MYO1F: variants seen among roughly 807,000 people sequenced by gnomAD.
MYO1F encodes unconventional myosin-If.
A neutral mutation model predicts 146.6 loss-of-function variants in MYO1F; 60 were observed. The observed-to-expected ratio is 0.41, with a 90% CI of 0.33 to 0.51. The LOEUF is 0.51. MYO1F is among the 20% of genes least tolerant of loss of function. The probability of loss-of-function intolerance (pLI) is 0.25; values close to 1 mark genes in which losing one functional copy is unlikely to be tolerated. For missense variants in MYO1F, 1,274 were observed against 1,534.3 expected (o/e 0.83, Z 2.83); for synonymous variants, 602 against 602.1 (o/e 1.00, Z 0.00).
Position 8,550,341 on chromosome 19 carries a change from G to A in MYO1F, c.920C>T (p.Ala307Val), listed in dbSNP as rs1194330833. Residue 307 changes from alanine (A) to valine (V), a missense_variant, in exon 10 of 28, where the codon GCC becomes GTC. Ala to Val is a moderately conservative substitution (Grantham distance 64). This residue lies in a region of MYO1F where 900 missense variants were observed against 1,155.1 expected (regional missense o/e 0.78). Transcript: ENST00000644032. The part of the protein sequence containing the change: ...VESVDLLAFP[A>V]YLLGIDSGRL... Reference sequence around the variant, plus strand: ...CCCGCTGTCAATGCCCAGCAGGTAGGCGGGAAAGGCCAGGACTACCAGGGC... The same window carrying A: ...CCCGCTGTCAATGCCCAGCAGGTAGACGGGAAAGGCCAGGACTACCAGGGC... The A allele has an allele frequency of 1.2e-6, 2 of 1,612,702 alleles. No homozygotes were observed. The highest frequency in any genetic ancestry group is 2.2e-5 in the East Asian group (1 of 44,786).
chr19:8,568,489 C>G (rs2042050648), intron 1 of MYO1F, among the ~76,000 whole-genome samples: 1 of 148,288 alleles, frequency 6.7e-6, no homozygotes, highest in Non-Finnish European at 1.5e-5. Flanking sequence ...GGGTTTTGCT[C>G]AAGTGAATAT....
At chr19:8,542,426 G>A (rs368370926) in intron 14 of MYO1F, among the ~76,000 whole-genome samples, 11 of 151,214 alleles carry the variant, frequency 7.3e-5, no homozygotes, top group Non-Finnish European at 1.2e-4. Flanking sequence ...GCCAGTGCAG[G>A]GGGCCTGTGT....
chr19:8,522,818 T>C lies in MYO1F; in HGVS notation c.2866A>G (p.Asn956Asp), dbSNP rs765435992. 15 of 1,571,714 alleles carry C rather than the reference T, an allele frequency of 9.5e-6. No individual in the cohort carries two copies. The East Asian group carries it at 3.5e-4, about 37-fold the overall frequency. ...CCTCTGGCAGAGGGGGGCACCCCAT[T>C]GCGATCCATGCCTGTGGCAGGAGCA... ...APAPPRGMDR[N>D]GVPPSARGGP... The change falls in exon 26 of 28, where the codon AAT becomes GAT. Residue 956 changes from asparagine (N) to aspartate (D), a missense_variant. Physicochemically the swap from Asn to Asp is conservative, Grantham distance 23. Coordinates refer to ENST00000644032, the MANE Select transcript of MYO1F (RefSeq NM_012335.4).
chr19:8,539,120 A>G (rs762452574), intron 16 of MYO1F, among the ~76,000 whole-genome samples: 1 of 151,998 alleles, frequency 6.6e-6, no homozygotes, highest in Non-Finnish European at 1.5e-5. Context: ...TCTCTACTGA[A>G]AATACAAAAT....
At position 8,554,710 on chromosome 19, in the gene MYO1F, G is replaced by C; in HGVS notation, c.175C>G (p.Pro59Ala). Reference protein sequence around the residue: ...YIGSVLISVNPFKQMPYFTDR... With the variant: ...YIGSVLISVNAFKQMPYFTDR... Reference sequence around the variant, plus strand: ...GTGAAGTAGGGCATCTGCTTGAAGGGGTTTACAGAGATGAGCACAGAGCCG... The same window carrying C: ...GTGAAGTAGGGCATCTGCTTGAAGGCGTTTACAGAGATGAGCACAGAGCCG... The change falls in exon 3 of 28, where the codon CCC becomes GCC. Residue 59 changes from proline to alanine, a missense_variant. Transcript: ENST00000644032. 1 of 1,613,896 alleles carries C rather than the reference G, an allele frequency of 6.2e-7. No individual in the cohort carries two copies. The highest frequency in any genetic ancestry group is 8.5e-7 in the Non-Finnish European group (1 of 1,179,990).
intron 25 of MYO1F, among the ~76,000 whole-genome samples, chr19:8,524,150 G>T (rs1972171399): frequency 1.4e-5 from 2 of 147,826 alleles, no homozygotes; most frequent in South Asian, 4.3e-4. Context: ...GCCGGGCGCG[G>T]TGGCTCACAC....
At chr19:8,534,080 G>A (rs1972603069) in intron 19 of MYO1F, among the ~76,000 whole-genome samples, 1 of 151,418 alleles carries the variant, frequency 6.6e-6, no homozygotes, top group Non-Finnish European at 1.5e-5. Context: ...TTGGGAGGCT[G>A]AGGCAGGAGA....
chr19:8,555,330 A>G, intron 2 of MYO1F: 1 of 295,280 alleles, frequency 3.4e-6, no homozygotes, highest in Non-Finnish European at 6.4e-6. Context: ...AGATTGTGCC[A>G]CTACACTCCA....
At chr19:8,557,307 A>C (rs1027128492) in intron 1 of MYO1F, among the ~76,000 whole-genome samples, 10 of 151,942 alleles carry the variant, frequency 6.6e-5, no homozygotes, top group Admixed American at 5.2e-4. Flanking sequence ...AACAACAAAA[A>C]AAGTTTTGAG....
At chr19:8,561,602 C>T (rs570146163) in intron 1 of MYO1F, among the ~76,000 whole-genome samples, 2 of 132,218 alleles carry the variant, frequency 1.5e-5, no homozygotes, top group South Asian at 5.8e-4. Flanking sequence ...CCTCTCTTCT[C>T]TTTTTTCTTT....
chr19:8,569,828 G>A lies in MYO1F; in HGVS notation c.3+7479C>T, dbSNP rs779006672. 3.9e-5 allele frequency among the ~76,000 whole-genome samples: 6 copies of A among 152,148 alleles called. No homozygotes were observed. The South Asian group carries it at 6.2e-4, about 16-fold the overall frequency. ...GGAATGGAGGGTCATGGTCCTGGAG[G>A]GATAGACAGCCCAGGCCATGTGGGG... is the stretch of plus-strand genomic sequence containing the variant. On this transcript the variant is annotated intron_variant, in intron 1 of 27. Coordinates refer to ENST00000644032, the MANE Select transcript of MYO1F (RefSeq NM_012335.4).
At chr19:8,538,751 C>T (rs139500979) in intron 16 of MYO1F, among the ~76,000 whole-genome samples, 97 of 152,096 alleles carry the variant, frequency 6.4e-4, no homozygotes, top group African/African-American at 2.2e-3. Flanking sequence ...CTATGCTTGG[C>T]TAATTTTTAA....
At chr19:8,526,310 G>T in intron 24 of MYO1F, 143 bp downstream of exon 24, 4 of 1,307,062 alleles carry the variant, frequency 3.1e-6, no homozygotes, top group South Asian at 2.6e-5. Context: ...CTGGGCGACA[G>T]AGTGAGACTC....
chr19:8,566,313 T>C (rs1182819674), intron 1 of MYO1F, among the ~76,000 whole-genome samples: 6 of 149,388 alleles, frequency 4.0e-5, no homozygotes, highest in Non-Finnish European at 7.4e-5. Flanking sequence ...GACTACAGGC[T>C]CCCACGGCCA....
chr19:8,544,023 G>T (rs1378472689), intron 14 of MYO1F: 1 of 533,096 alleles, frequency 1.9e-6, no homozygotes, highest in Non-Finnish European at 3.3e-6. Flanking sequence ...GGTGGCGGTG[G>T]CGGTGGCGGT....
intron 27 of MYO1F, 22 bp downstream of exon 27, chr19:8,522,355 G>T (rs762421388): frequency 6.2e-7 from 1 of 1,613,734 alleles, no homozygotes; most frequent in South Asian, 1.1e-5. Flanking sequence ...CCTCACCCCA[G>T]CTTCTGCCCT....
At chr19:8,560,601 G>T (rs1405093717) in intron 1 of MYO1F, among the ~76,000 whole-genome samples, 1 of 152,012 alleles carries the variant, frequency 6.6e-6, no homozygotes, top group Admixed American at 6.6e-5. Context: ...TTGAGACAGG[G>T]TCTCACTCTG....
At chr19:8,558,782 G>A (rs1469190662) in intron 1 of MYO1F, among the ~76,000 whole-genome samples, 1 of 152,140 alleles carries the variant, frequency 6.6e-6, no homozygotes, top group Non-Finnish European at 1.5e-5. Context: ...CTGGGGCTGA[G>A]TCTTTTCTCT....
At chr19:8,534,176 C>CT (rs1363634790) in intron 19 of MYO1F, among the ~76,000 whole-genome samples, 2 of 131,254 alleles carry the variant, frequency 1.5e-5, no homozygotes, top group Non-Finnish European at 3.3e-5. Context: ...GAGACTCTGT[C>CT]TAAAAAAAAA....
Sources: gnomAD v4.1 joint callset for allele counts (sites outside exome capture counted in the v4.1 genomes callset) on GRCh38, gnomAD v4.1.1 for gene constraint, gnomAD v4.1.1 regional missense constraint, MANE v1.5 for transcripts, NCBI Gene and HGNC (gene_info 2026-07-23, HGNC 2026-07-21) for gene names.